ZBTB20: variants seen among roughly 807,000 people sequenced by gnomAD.
ZBTB20 encodes zinc finger and BTB domain-containing protein 20.
ZBTB20 carries 9 observed loss-of-function variants against 56.9 expected under a neutral mutation model. The ratio of observed to expected loss-of-function variants is 0.16; its 90% confidence interval spans 0.10 to 0.28. The LOEUF (loss-of-function observed/expected upper bound fraction) is 0.28. ZBTB20 is among the 10% of genes least tolerant of loss of function. The pLI, the probability that ZBTB20 is intolerant of heterozygous loss-of-function variation, is 1.00. For missense variants in ZBTB20, 655 were observed against 1,003.0 expected (o/e 0.65, Z 4.69); for synonymous variants, 417 against 420.7 (o/e 0.99, Z 0.11).
intron 7 of ZBTB20, among the ~76,000 whole-genome samples, chr3:114,485,466 T>A (rs1043634277): frequency 6.6e-6 from 1 of 152,224 alleles, no homozygotes; most frequent in Admixed American, 6.5e-5. Context: ...TTGTCTCCTC[T>A]CTGAAGAACA....
intron 6 of ZBTB20, among the ~76,000 whole-genome samples, chr3:114,646,285 T>A (rs1398505086): frequency 6.6e-6 from 1 of 151,908 alleles, no homozygotes; most frequent in Non-Finnish European, 1.5e-5. Context: ...GAAAAACTTT[T>A]ATGTAGAGAT....
Position 114,463,746 on chromosome 3 carries a change from A to G in ZBTB20, c.-255+36606T>C, listed in dbSNP as rs532834285. ...AACATTTAAAAGAACAGGAACATGT[A>G]GTCTACCTCAAAACAAATTATTATT... On this transcript the variant is annotated intron_variant, in intron 7 of 11. Coordinates refer to ENST00000675478, the MANE Select transcript of ZBTB20 (RefSeq NM_001348800.3). Among the ~76,000 whole-genome samples the G allele has an allele frequency of 5.3e-5, 8 of 152,330 alleles. No individual in the cohort carries two copies. The South Asian group carries it at 1.7e-3, about 32-fold the overall frequency.
At chr3:115,018,114 G>A (rs1268356538) in intron 2 of ZBTB20, among the ~76,000 whole-genome samples, 2 of 151,222 alleles carry the variant, frequency 1.3e-5, no homozygotes, top group South Asian at 4.2e-4. Context: ...TTCTAATTTT[G>A]TACCAAGTTT....
At chr3:114,768,598 G>C (rs921051921) in intron 5 of ZBTB20, among the ~76,000 whole-genome samples, 1 of 152,062 alleles carries the variant, frequency 6.6e-6, no homozygotes. Context: ...ATATGTAAGA[G>C]GAAACAGACC....
At chr3:115,129,183 T>A (rs2108663075) in intron 1 of ZBTB20, among the ~76,000 whole-genome samples, 1 of 152,236 alleles carries the variant, frequency 6.6e-6, no homozygotes, top group South Asian at 2.1e-4. Flanking sequence ...AAGATTAAAC[T>A]AGTTAAACAT....
intron 2 of ZBTB20, among the ~76,000 whole-genome samples, chr3:115,005,967 G>A (rs1285401537): frequency 6.6e-6 from 1 of 150,964 alleles, no homozygotes; most frequent in Non-Finnish European, 1.5e-5. Flanking sequence ...TTCTACCCAC[G>A]TTAATGTCCT....
Position 114,377,765 on chromosome 3 carries a change from C to T in ZBTB20, c.199+2452G>A, listed in dbSNP as rs9839110. ...GGTACCCAAATGAGTTAACCACAAG[C>T]GAGTCTTCCATCTACCTGGGTGTCA... On this transcript the variant is annotated intron_variant, in intron 10 of 11. Coordinates refer to ENST00000675478, the MANE Select transcript of ZBTB20 (RefSeq NM_001348800.3). Among the ~76,000 whole-genome samples the T allele has an allele frequency of 2.7e-3, 407 of 152,216 alleles. 3 individuals carry two copies. Among genetic ancestry groups the T allele is most frequent in the African/African-American group, 9.3e-3 (386 of 41,544 alleles).
intron 6 of ZBTB20, among the ~76,000 whole-genome samples, chr3:114,622,394 C>T (rs951492689): frequency 6.6e-6 from 1 of 152,086 alleles, no homozygotes; most frequent in African/African-American, 2.4e-5. Context: ...GAGCTAACTA[C>T]AATAGGCAAA....
At chr3:114,815,736 C>T (rs139691624) in intron 4 of ZBTB20, among the ~76,000 whole-genome samples, 43 of 152,064 alleles carry the variant, frequency 2.8e-4, no homozygotes, top group African/African-American at 9.6e-4. Flanking sequence ...ACACAAAACA[C>T]GCACACGCAC....
chr3:114,751,871 AT>A (rs1390913499), intron 5 of ZBTB20, among the ~76,000 whole-genome samples: 1 of 152,154 alleles, frequency 6.6e-6, no homozygotes, highest in African/African-American at 2.4e-5. Flanking sequence ...TGTTGGAAAG[AT>A]AATATCTCTG....
At chr3:114,811,027 C>T (rs553162323) in intron 4 of ZBTB20, among the ~76,000 whole-genome samples, 1 of 152,256 alleles carries the variant, frequency 6.6e-6, no homozygotes, top group East Asian at 1.9e-4. Context: ...TTGGAGAAAC[C>T]ACTCAGCGAG....
chr3:114,392,899 G>C (rs1035544803), intron 7 of ZBTB20, among the ~76,000 whole-genome samples: 1 of 152,164 alleles, frequency 6.6e-6, no homozygotes, highest in Non-Finnish European at 1.5e-5. Context: ...TGTTTACCTA[G>C]GTGAGGAAAA....
intron 4 of ZBTB20, among the ~76,000 whole-genome samples, chr3:114,827,158 C>T (rs1560293604): frequency 6.6e-6 from 1 of 151,744 alleles, no homozygotes; most frequent in Non-Finnish European, 1.5e-5. Context: ...ATACTCACAG[C>T]TTTAACTAAC....
chr3:114,485,747 C>G (rs563987019), intron 7 of ZBTB20, among the ~76,000 whole-genome samples: 1 of 152,090 alleles, frequency 6.6e-6, no homozygotes, highest in South Asian at 2.1e-4. Flanking sequence ...GTCTCTCTCC[C>G]TTTTCCTCTT....
At chr3:115,077,031 G>A (rs1016790693) in intron 1 of ZBTB20, among the ~76,000 whole-genome samples, 5 of 152,118 alleles carry the variant, frequency 3.3e-5, no homozygotes, top group African/African-American at 7.2e-5. Context: ...CTCACTGGCC[G>A]GACACTCACC....
At chr3:114,993,273 T>C (rs998047295) in intron 2 of ZBTB20, among the ~76,000 whole-genome samples, 2 of 151,734 alleles carry the variant, frequency 1.3e-5, no homozygotes, top group African/African-American at 2.4e-5. Context: ...GAAACAGATA[T>C]GTAGAAAAAA....
chr3:114,851,463 ATAAAG>A (rs927700309), intron 4 of ZBTB20, among the ~76,000 whole-genome samples: 6 of 152,238 alleles, frequency 3.9e-5, no homozygotes, highest in Admixed American at 1.3e-4. Context: ...ACATATATAT[ATAAAG>A]TATTCATTAT....
intron 3 of ZBTB20, among the ~76,000 whole-genome samples, chr3:114,916,982 T>C (rs1341949013): frequency 6.6e-6 from 1 of 152,184 alleles, no homozygotes; most frequent in African/African-American, 2.4e-5. Flanking sequence ...ACTTTCTACC[T>C]CTACCTCTCT....
intron 4 of ZBTB20, among the ~76,000 whole-genome samples, chr3:114,832,836 T>C (rs920525165): frequency 5.3e-5 from 8 of 152,164 alleles, no homozygotes; most frequent in African/African-American, 1.7e-4. Flanking sequence ...ATTTTGTGTT[T>C]GGTGATTGAC....
Sources: allele counts gnomAD v4.1 joint callset (sites outside exome capture counted in the v4.1 genomes callset), GRCh38; gene constraint gnomAD v4.1.1; transcripts MANE v1.5; gene names NCBI Gene and HGNC (gene_info 2026-07-23, HGNC 2026-07-21).